IL27RA: variants seen among roughly 807,000 people sequenced by gnomAD.
The protein encoded by IL27RA is interleukin-27 receptor subunit alpha.
Under a neutral mutation model 80.8 loss-of-function variants are expected in IL27RA, and 61 were observed. The ratio of observed to expected loss-of-function variants is 0.76; its 90% CI spans 0.61 to 0.93. The LOEUF is 0.93. IL27RA is among the 40% of genes least tolerant of loss of function. IL27RA has a pLI of 0.00. For missense variants in IL27RA, 735 were observed against 808.1 expected (o/e 0.91, Z 1.10); for synonymous variants, 316 against 332.5 (o/e 0.95, Z 0.54).
chr19:14,050,977 A>G, intron 11 of IL27RA, 94 bp downstream of exon 11: 3 of 1,339,412 alleles, frequency 2.2e-6, no homozygotes, highest in Non-Finnish European at 2.0e-6. Flanking sequence ...AGCTAGGTGC[A>G]GTGGCTCACC....
intron 4 of IL27RA, among the ~76,000 whole-genome samples, chr19:14,041,413 C>T (rs1026373083): frequency 6.6e-6 from 1 of 151,978 alleles, no homozygotes; most frequent in African/African-American, 2.4e-5. Flanking sequence ...TTTGGCCAGG[C>T]TGGTCTCGAA....
rs1599305461 is a variant in IL27RA at position 14,052,460 on chromosome 19, A to G, written c.*170A>G. The G allele has an allele frequency of 5.8e-6, 3 of 517,358 alleles. No individual in the cohort carries two copies. The highest frequency in any genetic ancestry group is 3.7e-5 in the Admixed American group (1 of 26,672). 32.0% of individuals were successfully genotyped at this position (517,358 alleles called of 1,614,324 possible). Reference sequence around the variant, plus strand: ...GCAGAGCTGGGATTGAAGGACCCCTATAGAGAAGGGCTTGGCCCCCATGGG... The same window carrying G: ...GCAGAGCTGGGATTGAAGGACCCCTGTAGAGAAGGGCTTGGCCCCCATGGG... On this transcript the variant is annotated 3_prime_UTR_variant, in exon 14 of 14. Transcript: ENST00000263379.
chr19:14,043,201 C>T (rs1976017870), intron 6 of IL27RA, among the ~76,000 whole-genome samples: 1 of 151,952 alleles, frequency 6.6e-6, no homozygotes, highest in Non-Finnish European at 1.5e-5. Context: ...ACCATGCTGC[C>T]CCCTTGAGGT....
In IL27RA at chr19:14,039,747, C is replaced by T. The variant is rs1975961932; in HGVS notation, c.377-6C>T. On this transcript the variant is annotated splice_region_variant and splice_polypyrimidine_tract_variant and intron_variant, in intron 3 of 13. Transcript: ENST00000263379. Reference sequence around the variant, plus strand: ...GCTCACTACACCCTAGTTTCCCCTTCCCCAGTGAAGCCAAACGCCCCCCGG... The same window carrying T: ...GCTCACTACACCCTAGTTTCCCCTTTCCCAGTGAAGCCAAACGCCCCCCGG... The T allele has an allele frequency of 6.2e-7, 1 of 1,612,944 alleles. No homozygotes were observed. Among genetic ancestry groups the T allele is most frequent in the Non-Finnish European group, 8.5e-7 (1 of 1,179,346 alleles).
chr19:14,041,447 C>G (rs1240078805), intron 4 of IL27RA, among the ~76,000 whole-genome samples: 4 of 152,110 alleles, frequency 2.6e-5, no homozygotes, highest in Non-Finnish European at 4.4e-5. Context: ...GTGATCCACC[C>G]ACCTCCACCT....
At chr19:14,052,052 G>A in intron 13 of IL27RA, 44 bp from the exon 14 acceptor site, 2 of 1,592,902 alleles carry the variant, frequency 1.3e-6, no homozygotes, top group Non-Finnish European at 8.6e-7. Context: ...GTGAGGTGTG[G>A]GTCGGGGAGG....
At chr19:14,036,077 T>TAAAAA (rs373140888) in intron 2 of IL27RA, among the ~76,000 whole-genome samples, 1 of 132,412 alleles carries the variant, frequency 7.6e-6, no homozygotes, top group Non-Finnish European at 1.6e-5. Context: ...CCGTCTCTAT[T>TAAAAA]AAAAAAAAAA....
chr19:14,042,371 A>T (rs192074798), intron 4 of IL27RA, 82 bp from the exon 5 acceptor site: 2 of 1,472,812 alleles, frequency 1.4e-6, no homozygotes, highest in East Asian at 4.6e-5. Context: ...CAAAACGAAA[A>T]ACAAAGGAAA....
Position 14,037,425 on chromosome 19 carries a change from T to G in IL27RA, c.219-2083T>G, listed in dbSNP as rs188106965. Among the ~76,000 whole-genome samples, 55 of 152,026 alleles carry G rather than the reference T, an allele frequency of 3.6e-4. 1 individual carries two copies. Among genetic ancestry groups the G allele is most frequent in the East Asian group, 2.7e-3 (14 of 5,130 alleles). ...GTCTGCCAGGACACACGGCTAATTT[T>G]TGTATTTTTAGTAGAGATGGGGTTT... On this transcript the variant is annotated intron_variant, in intron 2 of 13. Coordinates refer to ENST00000263379, the MANE Select transcript of IL27RA (RefSeq NM_004843.4).
intron 4 of IL27RA, among the ~76,000 whole-genome samples, chr19:14,040,804 C>A (rs1975978396): frequency 6.6e-6 from 1 of 151,302 alleles, no homozygotes; most frequent in Admixed American, 6.6e-5. Context: ...ACACTCCAGC[C>A]TGGCAACAGA....
At position 14,033,693 on chromosome 19, in the gene IL27RA, G is replaced by A. The variant is rs190485757; in HGVS notation, c.218+1190G>A. ...AAAATTTTAAAAAATAAAAGCTGGC[G>A]TGGTGGCTCACGCCTATAATCTCAG... On this transcript the variant is annotated intron_variant, in intron 2 of 13. Coordinates refer to ENST00000263379, the MANE Select transcript of IL27RA (RefSeq NM_004843.4). 4.7e-4 allele frequency among the ~76,000 whole-genome samples: 67 copies of A among 141,876 alleles called. No homozygotes were observed. In the South Asian group the frequency reaches 5.0e-3, roughly 11 times the overall value. The allele number at this position is 141,876 out of a possible 152,430, so 93.1% of individuals were successfully genotyped here.
intron 2 of IL27RA, among the ~76,000 whole-genome samples, chr19:14,034,646 CAA>C (rs1182849641): frequency 1.4e-5 from 2 of 137,936 alleles, no homozygotes; most frequent in East Asian, 4.3e-4. Flanking sequence ...GGTGACAGAG[CAA>C]GACTCTGTCT....
intron 8 of IL27RA, among the ~76,000 whole-genome samples, chr19:14,047,951 C>T (rs879812395): frequency 2.2e-4 from 32 of 148,484 alleles, no homozygotes; most frequent in African/African-American, 5.2e-4. Context: ...CATGAGCCAC[C>T]GCACCCGGCA....
chr19:14,042,901 G>C (rs557382800), intron 6 of IL27RA, 112 bp downstream of exon 6: 4 of 939,074 alleles, frequency 4.3e-6, no homozygotes, highest in Non-Finnish European at 6.8e-6. Flanking sequence ...CACTGCTGTG[G>C]GAGGCCGAGG....
At position 14,042,855 on chromosome 19, in the gene IL27RA, A is replaced by G. The variant is rs973453034; in HGVS notation, c.768+66A>G. Reference sequence around the variant, plus strand: ...GGAAACCCCTAAATAACAATGACATAAGGCCGGATGCAGTGGCTCACGCTT... The same window carrying G: ...GGAAACCCCTAAATAACAATGACATGAGGCCGGATGCAGTGGCTCACGCTT... On this transcript the variant is annotated intron_variant, in intron 6 of 13. Coordinates refer to ENST00000263379, the MANE Select transcript of IL27RA (RefSeq NM_004843.4). 1.2e-5 allele frequency: 17 copies of G among 1,394,616 alleles called. No individual in the cohort carries two copies. In the African/African-American group the frequency reaches 2.4e-4, roughly 20 times the overall value. The allele number at this position is 1,394,616 out of a possible 1,614,324, so 86.4% of individuals were successfully genotyped here.
rs1197428689 is a variant in IL27RA, at chr19:14,031,843, G to A, written c.-30G>A. ...GCGGCCGCGCGGACCCGGCAAGGCT[G>A]GGCCGGACTCGGGGCTCCCGAGGGA... On this transcript the variant is annotated 5_prime_UTR_variant, in exon 1 of 14. Transcript: ENST00000263379. 1.9e-6 allele frequency: 3 copies of A among 1,556,114 alleles called. No individual in the cohort carries two copies. In the Admixed American group the frequency reaches 5.6e-5, roughly 29 times the overall value.
chr19:14,048,852 C>T (rs937678258), intron 8 of IL27RA, 129 bp from the exon 9 acceptor site: 5 of 811,764 alleles, frequency 6.2e-6, no homozygotes, highest in Non-Finnish European at 8.3e-6. Context: ...GGATTACCTC[C>T]TAGATAAATG....
At chr19:14,052,072 G>A (rs768414987) in intron 13 of IL27RA, 24 bp from the exon 14 acceptor site, 2 of 1,608,506 alleles carry the variant, frequency 1.2e-6, no homozygotes, top group East Asian at 4.5e-5. Flanking sequence ...GCTGGGGCAG[G>A]ATTACAGGCT....
At chr19:14,038,926 G>A (rs1287142944) in intron 2 of IL27RA, among the ~76,000 whole-genome samples, 1 of 150,856 alleles carries the variant, frequency 6.6e-6, no homozygotes, top group Admixed American at 6.6e-5. Flanking sequence ...GGAAGGAAGG[G>A]AGGGAGGGAG....
Sources: gnomAD v4.1 joint callset for allele counts (sites outside exome capture counted in the v4.1 genomes callset) on GRCh38, gnomAD v4.1.1 for gene constraint, MANE v1.5 for transcripts, NCBI Gene and HGNC (gene_info 2026-07-23, HGNC 2026-07-21) for gene names.